Variants in HEYL observed in about 807,000 individuals in gnomAD.
HEYL encodes the protein hairy/enhancer-of-split related with YRPW motif-like protein.
HEYL carries 12 observed loss-of-function variants against 18.6 expected under a neutral mutation model. The observed-to-expected ratio is 0.65, with a 90% CI of 0.41 to 1.05. The LOEUF (loss-of-function observed/expected upper bound fraction) is 1.05. Among genes scored for constraint, HEYL ranks in the 50% least tolerant of loss-of-function variants. The pLI is 0.00. For missense variants in HEYL, 420 were observed against 444.7 expected (o/e 0.94, Z 0.50); for synonymous variants, 159 against 179.6 (o/e 0.89, Z 0.91).
chr1:39,631,696 G>A (rs1646334520), intron 2 of HEYL, 117 bp from the exon 3 acceptor site: 2 of 792,400 alleles, frequency 2.5e-6, no homozygotes, highest in Non-Finnish European at 4.3e-6. Flanking sequence ...GATCAATCTA[G>A]TCTTACTTTA....
Position 39,624,245 on chromosome 1 carries a change from G to C in HEYL, c.*2262C>G, listed in dbSNP as rs531584592. On this transcript the variant is annotated 3_prime_UTR_variant, in exon 5 of 5. Transcript: ENST00000372852. ...GAGACACCAGGAAGGCTTGGGGATA[G>C]AAACACAAGATGCAAGTCCTTGACC... 6.6e-6 allele frequency: 1 copy of C among 152,386 alleles called. No homozygotes were observed. Among genetic ancestry groups the C allele is most frequent in the East Asian group, 1.9e-4 (1 of 5,194 alleles). 9.4% of individuals were successfully genotyped at this position (152,386 alleles called of 1,614,324 possible). A position where few individuals can be genotyped will look rare whatever the true frequency, so the allele number is the denominator to read the frequency against.
chr1:39,628,663 T>C lies in HEYL; in HGVS notation c.314-1483A>G, dbSNP rs533227072. Among the ~76,000 whole-genome samples, 18 of 152,292 alleles carry C rather than the reference T, an allele frequency of 1.2e-4. No homozygotes were observed. The East Asian group carries it at 3.5e-3, about 29-fold the overall frequency. ...CCCAGGCTAGAGTGCAGTGGTGCGA[T>C]CTCGACTCACTGAAAGCTCCGCCTT... On this transcript the variant is annotated intron_variant, in intron 4 of 4. Coordinates refer to ENST00000372852, the MANE Select transcript of HEYL (RefSeq NM_014571.4).
chr1:39,631,487 G>A lies in HEYL; in HGVS notation c.231+9C>T, dbSNP rs776645048. 1.9e-6 allele frequency: 3 copies of A among 1,612,830 alleles called. No individual in the cohort carries two copies. The South Asian group carries it at 3.3e-5, about 18-fold the overall frequency. On this transcript the variant is annotated intron_variant, in intron 3 of 4. Transcript: ENST00000372852. ...TATTTCCTCTAGCACAATCAGCAATGTCACATACCTGTTTCTCAAAGGCAG... is the reference window on the plus strand; with the variant it reads ...TATTTCCTCTAGCACAATCAGCAATATCACATACCTGTTTCTCAAAGGCAG...
chr1:39,626,663 C>A lies in HEYL; in HGVS notation c.831G>T (p.Gln277His). 6.6e-7 allele frequency: 1 copy of A among 1,525,454 alleles called. No homozygotes were observed. The allele number at this position is 1,525,454 out of a possible 1,614,324, so 94.5% of individuals were successfully genotyped here. ...GACCAGGGGGTGTTGGGGAGGAAGACTGCAGGAGGGGAGCGATGTGGCTGC... is the reference window on the plus strand; with the variant it reads ...GACCAGGGGGTGTTGGGGAGGAAGAATGCAGGAGGGGAGCGATGTGGCTGC... ...ARSSHIAPLL[Q>H]SSSPTPPGPT... The change falls in exon 5 of 5, where the codon CAG becomes CAT. Residue 277 changes from glutamine to histidine, a missense_variant. By Grantham distance (24) the Gln-to-His change is conservative. Coordinates refer to ENST00000372852, the MANE Select transcript of HEYL (RefSeq NM_014571.4).
At chr1:39,627,321 T>C in intron 4 of HEYL, 141 bp from the exon 5 acceptor site, 1 of 705,260 alleles carries the variant, frequency 1.4e-6, no homozygotes, top group Non-Finnish European at 2.3e-6. Flanking sequence ...TCTCTGAGCC[T>C]GTCTCCCCAT....
intron 2 of HEYL, 143 bp downstream of exon 2, chr1:39,632,506 T>G (rs936174872): frequency 4.0e-6 from 3 of 755,440 alleles, no homozygotes; most frequent in Non-Finnish European, 6.7e-6. Flanking sequence ...ATCACCCTGA[T>G]AGCTAGTGAC....
At chr1:39,639,494 C>A in intron 1 of HEYL, 52 bp downstream of exon 1, 1 of 1,469,398 alleles carries the variant, frequency 6.8e-7, no homozygotes, top group African/African-American at 1.5e-5. Context: ...GTCGGGCCGA[C>A]CCCCACCCCG....
chr1:39,633,574 G>A (rs573257296), intron 1 of HEYL: 115 of 152,450 alleles, frequency 7.5e-4, no homozygotes, highest in Middle Eastern at 3.4e-3. Context: ...ATTCAGGCCT[G>A]GGTGGGTGCT....
intron 1 of HEYL, chr1:39,633,234 G>T: frequency 2.2e-6 from 1 of 464,916 alleles, no homozygotes; most frequent in Non-Finnish European, 2.8e-6. Flanking sequence ...GGCGGCATCT[G>T]GGTCACAGGC....
chr1:39,632,697 C>T lies in HEYL; in HGVS notation c.99G>A (p.Leu33=), dbSNP rs1466271346. ...GCATCTGCGAAGAGCTGGGGGTGGA[C>T]AGCGGCCTGGCCATCTGGCTGGAAA... ...EGQLSQMARP[L]STPSSSQMQA... The change falls in exon 2 of 5, where the codon CTG becomes CTA. Residue 33 remains leucine (L), a synonymous_variant. Coordinates refer to ENST00000372852, the MANE Select transcript of HEYL (RefSeq NM_014571.4). The T allele has an allele frequency of 7.4e-6, 12 of 1,613,938 alleles. No individual in the cohort carries two copies. In the Admixed American group the frequency reaches 1.2e-4, roughly 16 times the overall value.
At chr1:39,631,400 G>C (rs1646331971) in intron 3 of HEYL, 96 bp downstream of exon 3, 1 of 979,574 alleles carries the variant, frequency 1.0e-6, no homozygotes. Flanking sequence ...AGCATCTCAG[G>C]CAGCTGCTAC....
intron 4 of HEYL, among the ~76,000 whole-genome samples, chr1:39,627,426 A>G (rs963498765): frequency 6.6e-6 from 1 of 152,262 alleles, no homozygotes; most frequent in Non-Finnish European, 1.5e-5. Flanking sequence ...TATAAAATGT[A>G]AAATATTGCT....
chr1:39,637,414 T>C (rs767413878), intron 1 of HEYL, among the ~76,000 whole-genome samples: 1 of 152,214 alleles, frequency 6.6e-6, no homozygotes, highest in Admixed American at 6.5e-5. Flanking sequence ...TGTCAGTGTT[T>C]ATCTGCTTTC....
intron 2 of HEYL, 127 bp from the exon 3 acceptor site, chr1:39,631,706 A>C: frequency 1.3e-6 from 1 of 749,714 alleles, no homozygotes; most frequent in Admixed American, 2.2e-5. Flanking sequence ...GTCTTACTTT[A>C]TGGTGGAGAA....
At position 39,639,529 on chromosome 1, in the gene HEYL, C is replaced by T. The variant is rs530088523; in HGVS notation, c.80+17G>A. Reference sequence around the variant, plus strand: ...GCTCGCCCTCCGCCTGCTCGGTCCCCGCATCCCGGCCCTTACCTCAGCTGG... The same window carrying T: ...GCTCGCCCTCCGCCTGCTCGGTCCCTGCATCCCGGCCCTTACCTCAGCTGG... On this transcript the variant is annotated intron_variant, in intron 1 of 4. Transcript: ENST00000372852. 1.9e-6 allele frequency: 3 copies of T among 1,570,850 alleles called. No homozygotes were observed. Among genetic ancestry groups the T allele is most frequent in the Non-Finnish European group, 1.7e-6 (2 of 1,163,442 alleles).
intron 3 of HEYL, 61 bp downstream of exon 3, chr1:39,631,435 A>G: frequency 6.9e-7 from 1 of 1,456,868 alleles, no homozygotes; most frequent in South Asian, 1.1e-5. Flanking sequence ...TGCCATGAGA[A>G]ACGAACCTTA....
intron 1 of HEYL, 190 bp from the exon 2 acceptor site, chr1:39,632,905 TC>T (rs1392808135): frequency 1.0e-6 from 1 of 985,206 alleles, no homozygotes; most frequent in Non-Finnish European, 1.2e-6. Context: ...GGGCTCTTGG[TC>T]CGGACCTGCT....
At chr1:39,634,963 G>GA (rs1387348758) in intron 1 of HEYL, among the ~76,000 whole-genome samples, 4 of 152,228 alleles carry the variant, frequency 2.6e-5, no homozygotes, top group Admixed American at 2.6e-4. Flanking sequence ...CTAGGACTTT[G>GA]TGGAATGGGG....
intron 1 of HEYL, among the ~76,000 whole-genome samples, chr1:39,638,682 A>T (rs996813986): frequency 2.0e-5 from 3 of 152,242 alleles, no homozygotes; most frequent in Non-Finnish European, 4.4e-5. Flanking sequence ...GCAGACTCCC[A>T]GTCAGCCCTG....
Sources: allele counts gnomAD v4.1 joint callset (sites outside exome capture counted in the v4.1 genomes callset), GRCh38; gene constraint gnomAD v4.1.1; transcripts MANE v1.5; gene names NCBI Gene and HGNC (gene_info 2026-07-23, HGNC 2026-07-21).